The following SOX30 variants were observed in gnomAD, a reference collection of about 807,000 sequenced individuals.
SOX30 encodes transcription factor SOX-30.
In SOX30, 17 loss-of-function variants were observed where a neutral mutation model predicts 58.6. The ratio of observed to expected loss-of-function variants is 0.29; its 90% confidence interval spans 0.20 to 0.44. The LOEUF is 0.44. Ranked by LOEUF, SOX30 falls within the 20% of genes least tolerant of loss-of-function variation. The probability of loss-of-function intolerance (pLI) is 1.00; values close to 1 mark genes in which losing one functional copy is unlikely to be tolerated. For synonymous variants in SOX30, 421 were observed against 400.2 expected (o/e 1.05, Z -0.62); for missense variants, 951 against 965.8 (o/e 0.98, Z 0.20).
chr5:157,646,676 C>T lies in SOX30; in HGVS notation c.1348G>A (p.Val450Ile). 6.2e-7 allele frequency: 1 copy of T among 1,613,062 alleles called. No homozygotes were observed. The highest frequency in any genetic ancestry group is 8.5e-7 in the Non-Finnish European group (1 of 1,179,528). ...YPYRSPTYSV[V>I]IPSLQNPITH... ...ATGGGATTCTGTAGGCTGGGAATTACCACAGAGTACGTAGGTGAGCGGTAA... is the reference window on the plus strand; with the variant it reads ...ATGGGATTCTGTAGGCTGGGAATTATCACAGAGTACGTAGGTGAGCGGTAA... Residue 450 changes from valine (V) to isoleucine (I), a missense_variant, in exon 3 of 5, where the codon GTA becomes ATA. Physicochemically the swap from Val to Ile is conservative, Grantham distance 29. This residue lies in a region of SOX30 where 381 missense variants were observed against 390.0 expected (regional missense o/e 0.98). Coordinates refer to ENST00000265007, the MANE Select transcript of SOX30 (RefSeq NM_178424.2).
At chr5:157,642,730 T>A (rs1037344138) in intron 3 of SOX30, among the ~76,000 whole-genome samples, 10 of 151,984 alleles carry the variant, frequency 6.6e-5, no homozygotes, top group Admixed American at 4.6e-4. Flanking sequence ...TGAGCCCAAC[T>A]GCGGTGAGGC....
rs761721079 is a variant in SOX30 at position 157,651,263 on chromosome 5, C to A, written c.816G>T (p.Arg272=). ...AAGGCGGAGCTCCCTGAAACTGGATCCGGGCCCCAGGGGGGACCGTGTGGA... is the reference window on the plus strand; with the variant it reads ...AAGGCGGAGCTCCCTGAAACTGGATACGGGCCCCAGGGGGGACCGTGTGGA... ...LTLHTVPPGA[R]IQFQGAPPSE... The change falls in exon 1 of 5, where the codon CGG becomes CGT. Residue 272 remains arginine (R), a synonymous_variant. Transcript: ENST00000265007. 3 of 1,614,054 alleles carry A rather than the reference C, an allele frequency of 1.9e-6. No homozygotes were observed. Among genetic ancestry groups the A allele is most frequent in the Admixed American group, 3.3e-5 (2 of 60,014 alleles).
At chr5:157,633,139 C>T (rs1298951568) in intron 4 of SOX30, among the ~76,000 whole-genome samples, 2 of 152,184 alleles carry the variant, frequency 1.3e-5, no homozygotes, top group Non-Finnish European at 2.9e-5. Context: ...TACCTATCCC[C>T]ACCTTGAACA....
At chr5:157,650,232 C>T (rs879334950) in intron 1 of SOX30, among the ~76,000 whole-genome samples, 12 of 151,798 alleles carry the variant, frequency 7.9e-5, no homozygotes, top group Non-Finnish European at 1.6e-4. Flanking sequence ...AAAGCTTTCC[C>T]TTTCTTTCCT....
intron 2 of SOX30, among the ~76,000 whole-genome samples, chr5:157,666,675 G>A (rs533356275): frequency 6.6e-6 from 1 of 152,220 alleles, no homozygotes; most frequent in East Asian, 1.9e-4. Flanking sequence ...CAGCAGAATA[G>A]GTAATTTTAT....
chr5:157,667,739 A>C lies in SOX30; in HGVS notation c.52+59T>G, dbSNP rs1317971665. On this transcript the variant is annotated intron_variant, in intron 2 of 5. Transcript: ENST00000519442. ...GGGCGACAGAGCGAGACTCCATCTCAGAATACATACATACATACATACATA... is the reference window on the plus strand; with the variant it reads ...GGGCGACAGAGCGAGACTCCATCTCCGAATACATACATACATACATACATA... 9.3e-6 allele frequency: 14 copies of C among 1,509,596 alleles called. No individual in the cohort carries two copies. In the East Asian group the frequency reaches 3.5e-4, roughly 38 times the overall value. 93.5% of individuals were successfully genotyped at this position (1,509,596 alleles called of 1,614,324 possible).
intron 4 of SOX30, among the ~76,000 whole-genome samples, chr5:157,631,842 A>C (rs938656719): frequency 1.3e-5 from 2 of 151,448 alleles, no homozygotes; most frequent in African/African-American, 4.9e-5. Context: ...AGGAGTTTGA[A>C]AACAGCCTAG....
At chr5:157,659,607 TAATC>T (rs779639103) in intron 2 of SOX30, among the ~76,000 whole-genome samples, 8 of 152,242 alleles carry the variant, frequency 5.3e-5, no homozygotes, top group Non-Finnish European at 1.0e-4. Context: ...AGGCAAGCCT[TAATC>T]AATTTAGAAG....
intron 4 of SOX30, among the ~76,000 whole-genome samples, chr5:157,627,822 A>G (rs3827299): frequency 1.3e-5 from 2 of 151,984 alleles, no homozygotes; most frequent in East Asian, 1.9e-4. Flanking sequence ...GTGAAACCCC[A>G]TCTCTACTAA....
At chr5:157,669,784 G>A (rs1365868515) in intron 1 of SOX30, among the ~76,000 whole-genome samples, 2 of 152,126 alleles carry the variant, frequency 1.3e-5, no homozygotes, top group Non-Finnish European at 2.9e-5. Flanking sequence ...CTCACAAAGT[G>A]CAGGGATTAC....
Position 157,661,604 on chromosome 5 carries a change from G to T in SOX30, c.52+6194C>A, listed in dbSNP as rs1341660284. 5.3e-5 allele frequency among the ~76,000 whole-genome samples: 8 copies of T among 152,086 alleles called. No homozygotes were observed. In the East Asian group the frequency reaches 1.5e-3, roughly 29 times the overall value. On this transcript the variant is annotated intron_variant, in intron 2 of 5. Transcript: ENST00000519442. ...AATGTCATGCCAGATTTGGCCCAAGGGCTATAGTTTGCTTTTGGCTATAGT... is the reference window on the plus strand; with the variant it reads ...AATGTCATGCCAGATTTGGCCCAAGTGCTATAGTTTGCTTTTGGCTATAGT...
At chr5:157,639,667 G>C (rs565684843) in intron 3 of SOX30, among the ~76,000 whole-genome samples, 7 of 152,166 alleles carry the variant, frequency 4.6e-5, no homozygotes, top group Non-Finnish European at 1.0e-4. Context: ...GACACACCTG[G>C]TCTAAATTTA....
chr5:157,648,288 C>T (rs1468560763), intron 2 of SOX30, among the ~76,000 whole-genome samples: 1 of 152,196 alleles, frequency 6.6e-6, no homozygotes, highest in Non-Finnish European at 1.5e-5. Context: ...TAAGCGTAGA[C>T]TGCATTTTTT....
chr5:157,666,860 T>G (rs1391101641), intron 2 of SOX30, among the ~76,000 whole-genome samples: 1 of 152,082 alleles, frequency 6.6e-6, no homozygotes, highest in Non-Finnish European at 1.5e-5. Context: ...CATGCACCAC[T>G]ACACCTGGCT....
At chr5:157,668,756 CCT>C (rs1225414247) in intron 1 of SOX30, among the ~76,000 whole-genome samples, 4 of 152,194 alleles carry the variant, frequency 2.6e-5, no homozygotes, top group Non-Finnish European at 5.9e-5. Flanking sequence ...GGGCAAGTTA[CCT>C]CTCCACTCTG....
chr5:157,628,165 T>A (rs911112469), intron 4 of SOX30, among the ~76,000 whole-genome samples: 55 of 152,024 alleles, frequency 3.6e-4, no homozygotes, highest in Admixed American at 1.8e-3. Context: ...AAAATTTTTT[T>A]AAAAAAGATT....
At chr5:157,649,035 C>T in intron 1 of SOX30, 139 bp from the exon 2 acceptor site, 1 of 1,122,732 alleles carries the variant, frequency 8.9e-7, no homozygotes, top group Non-Finnish European at 1.2e-6. Flanking sequence ...ACCAAAAAAA[C>T]CTGCCAGTAT....
rs559336723 is a variant in SOX30, at chr5:157,648,170, C to A, written c.1207+487G>T. Among the ~76,000 whole-genome samples, 4 of 152,332 alleles carry A rather than the reference C, an allele frequency of 2.6e-5. No homozygotes were observed. In the South Asian group the frequency reaches 8.3e-4, roughly 32 times the overall value. ...CCACTGCTAGGGAGAAATCGGACTC[C>A]TTTCACACTATATCATGACAGGGCT... On this transcript the variant is annotated intron_variant, in intron 2 of 4. Transcript: ENST00000265007.
chr5:157,645,488 C>G (rs1581397308), intron 3 of SOX30, among the ~76,000 whole-genome samples: 1 of 151,840 alleles, frequency 6.6e-6, no homozygotes, highest in East Asian at 1.9e-4. Context: ...CATGGCAAAA[C>G]CCCATCTCTA....
Sources: allele counts gnomAD v4.1 joint callset (sites outside exome capture counted in the v4.1 genomes callset), GRCh38; gene constraint gnomAD v4.1.1; regional missense constraint gnomAD v4.1.1; transcripts MANE v1.5; gene names NCBI Gene and HGNC (gene_info 2026-07-23, HGNC 2026-07-21).